FGF12: variants seen among roughly 807,000 people sequenced by gnomAD.
FGF12 encodes the protein fibroblast growth factor 12.
FGF12 carries 14 observed loss-of-function variants against 23.6 expected under a neutral mutation model. The observed-to-expected ratio is 0.59, with a 90% CI of 0.39 to 0.93. The LOEUF (loss-of-function observed/expected upper bound fraction) is 0.93, where lower values mean the gene tolerates loss of function less well. Ranked by LOEUF, FGF12 falls within the 40% of genes least tolerant of loss-of-function variation. The probability of loss-of-function intolerance (pLI) is 0.00; values close to 1 mark genes in which losing one functional copy is unlikely to be tolerated. For missense variants in FGF12, 175 were observed against 217.8 expected (o/e 0.80, Z 1.24); for synonymous variants, 62 against 77.3 (o/e 0.80, Z 1.04).
rs1159331285 is a variant in FGF12 at position 192,141,951 on chromosome 3, G to C, written c.*2058C>G. ...TTTCTTTTTTTTTTTGGTTCTGGTA[G>C]TGACAGGTGTATTTATAATCAAGTT... On this transcript the variant is annotated 3_prime_UTR_variant, in exon 6 of 6. Transcript: ENST00000445105. 1 of 151,424 alleles carries C rather than the reference G, an allele frequency of 6.6e-6. No individual in the cohort carries two copies. The highest frequency in any genetic ancestry group is 2.4e-5 in the African/African-American group (1 of 41,102). The allele number at this position is 151,424 out of a possible 1,614,324, so 9.4% of individuals were successfully genotyped here.
Position 192,477,507 on chromosome 3 carries a change from C to T in FGF12, c.14-116969G>A, listed in dbSNP as rs185400813. On this transcript the variant is annotated intron_variant, in intron 2 of 5. Transcript: ENST00000445105. ...TGAAGAATAAGTAGAAACAATGGTA[C>T]GATATTATTACCAGTATAAAGATAC... Among the ~76,000 whole-genome samples, 427 of 152,126 alleles carry T rather than the reference C, an allele frequency of 2.8e-3. 8 individuals carry two copies. Among genetic ancestry groups the T allele is most frequent in the Admixed American group, 0.026 (390 of 15,262 alleles).
intron 4 of FGF12, among the ~76,000 whole-genome samples, chr3:192,198,989 C>G (rs1430947205): frequency 6.6e-6 from 1 of 152,132 alleles, no homozygotes. Context: ...TTAGGTTAAT[C>G]AGGAGAAACA....
intron 2 of FGF12, among the ~76,000 whole-genome samples, chr3:192,576,072 AGTTGGG>A (rs1260552930): frequency 6.6e-6 from 1 of 152,198 alleles, no homozygotes; most frequent in Non-Finnish European, 1.5e-5. Flanking sequence ...GGAAAGGGTG[AGTTGGG>A]GTTAAACATT....
chr3:192,322,046 A>T (rs1716568361), intron 4 of FGF12, among the ~76,000 whole-genome samples: 2 of 152,078 alleles, frequency 1.3e-5, no homozygotes, highest in Non-Finnish European at 2.9e-5. Context: ...TTTGCAGATG[A>T]TATGATAGTA....
At chr3:192,632,684 G>A (rs1344556976) in intron 2 of FGF12, among the ~76,000 whole-genome samples, 1 of 152,076 alleles carries the variant, frequency 6.6e-6, no homozygotes, top group East Asian at 1.9e-4. Context: ...AATTCTTATC[G>A]AAACTCTCAG....
At chr3:192,680,143 G>A (rs1297382120) in intron 2 of FGF12, among the ~76,000 whole-genome samples, 2 of 152,104 alleles carry the variant, frequency 1.3e-5, no homozygotes, top group Non-Finnish European at 2.9e-5. Context: ...AACAGATACC[G>A]TAGGGAGTCA....
intron 2 of FGF12, among the ~76,000 whole-genome samples, chr3:192,540,020 T>G (rs544047479): frequency 4.3e-4 from 66 of 152,148 alleles, no homozygotes; most frequent in African/African-American, 1.5e-3. Flanking sequence ...CTGATTTTTT[T>G]GGGGTCCTTC....
intron 2 of FGF12, among the ~76,000 whole-genome samples, chr3:192,411,618 T>C (rs1326169713): frequency 6.6e-6 from 1 of 152,184 alleles, no homozygotes; most frequent in Non-Finnish European, 1.5e-5. Flanking sequence ...TAGGAAAATA[T>C]TCACATTCCA....
intron 2 of FGF12, among the ~76,000 whole-genome samples, chr3:192,629,646 C>A (rs1314934324): frequency 6.6e-6 from 1 of 151,534 alleles, no homozygotes; most frequent in Non-Finnish European, 1.5e-5. Context: ...TGCCAATAAA[C>A]TTCTTTATTG....
At chr3:192,433,972 A>G (rs1721938920) in intron 2 of FGF12, among the ~76,000 whole-genome samples, 1 of 152,180 alleles carries the variant, frequency 6.6e-6, no homozygotes, top group African/African-American at 2.4e-5. Flanking sequence ...TGTAAACATA[A>G]ATGATAATCC....
At chr3:192,214,009 C>G (rs981759849) in intron 4 of FGF12, among the ~76,000 whole-genome samples, 4 of 152,158 alleles carry the variant, frequency 2.6e-5, no homozygotes, top group African/African-American at 9.7e-5. Flanking sequence ...AAAACTGTTA[C>G]TTTTCTCCCT....
intron 2 of FGF12, among the ~76,000 whole-genome samples, chr3:192,590,329 A>C (rs1398744220): frequency 1.3e-5 from 2 of 151,960 alleles, no homozygotes; most frequent in Admixed American, 6.6e-5. Context: ...GCACATTGTC[A>C]TACTTTATAG....
At chr3:192,478,870 T>C (rs1315634229) in intron 2 of FGF12, among the ~76,000 whole-genome samples, 1 of 152,228 alleles carries the variant, frequency 6.6e-6, no homozygotes, top group African/African-American at 2.4e-5. Context: ...AACATACTGT[T>C]GGTGTTGTCC....
chr3:192,514,958 C>A lies in FGF12; in HGVS notation c.14-154420G>T, dbSNP rs1724617686. On this transcript the variant is annotated intron_variant, in intron 2 of 5. Coordinates refer to ENST00000445105, the MANE Select transcript of FGF12 (RefSeq NM_004113.6). The surrounding 1 kb of genome is among the most constrained non-coding windows in gnomAD (Gnocchi z 4.9). The stretch of plus-strand genomic sequence containing the variant: ...CGCGGAAGTGCCGGTCCGCCGGGGG[C>A]AGCCCTCCGAGAGCCCGAGGCGCTG... 2.6e-5 allele frequency: 21 copies of A among 803,834 alleles called. No individual in the cohort carries two copies. Among genetic ancestry groups the A allele is most frequent in the Non-Finnish European group, 3.2e-5 (21 of 664,352 alleles). The allele number at this position is 803,834 out of a possible 1,614,324, so 49.8% of individuals were successfully genotyped here.
chr3:192,368,634 A>G (rs927888527), intron 2 of FGF12, among the ~76,000 whole-genome samples: 2 of 152,186 alleles, frequency 1.3e-5, no homozygotes, highest in Non-Finnish European at 2.9e-5. Context: ...TCCACAAACT[A>G]TAGCCCTGTG....
chr3:192,376,274 T>C (rs1223525395), intron 2 of FGF12, among the ~76,000 whole-genome samples: 3 of 151,792 alleles, frequency 2.0e-5, no homozygotes, highest in Admixed American at 1.3e-4. Context: ...ATTTAGAGCT[T>C]ATTTTTGAAC....
intron 4 of FGF12, among the ~76,000 whole-genome samples, chr3:192,178,446 T>C (rs1212620220): frequency 2.6e-5 from 4 of 152,116 alleles, no homozygotes; most frequent in African/African-American, 9.7e-5. Flanking sequence ...ATATGCCAGA[T>C]AAAAAAGGGC....
chr3:192,565,297 T>C (rs1254010594), intron 2 of FGF12, among the ~76,000 whole-genome samples: 1 of 152,242 alleles, frequency 6.6e-6, no homozygotes, highest in Non-Finnish European at 1.5e-5. Context: ...AATCAAATTC[T>C]TGCATTCAAA....
chr3:192,618,490 T>TA (rs1946375128), intron 2 of FGF12, among the ~76,000 whole-genome samples: 1 of 152,084 alleles, frequency 6.6e-6, no homozygotes, highest in African/African-American at 2.4e-5. Context: ...GGAGGAGACT[T>TA]ACAGTATGAT....
Sources: gnomAD v4.1 joint callset for allele counts (sites outside exome capture counted in the v4.1 genomes callset) on GRCh38, gnomAD v4.1.1 for gene constraint, Gnocchi (gnomAD v3.1) non-coding constraint, MANE v1.5 for transcripts, NCBI Gene and HGNC (gene_info 2026-07-23, HGNC 2026-07-21) for gene names.